Variants in LARGE1 observed in about 807,000 individuals in gnomAD.
LARGE1 encodes xylosyl- and glucuronyltransferase LARGE1.
Under a neutral mutation model 87.6 loss-of-function variants are expected in LARGE1, and 43 were observed. The observed-to-expected ratio is 0.49, with a 90% CI of 0.38 to 0.63. LARGE1 has a LOEUF of 0.63. Among genes scored for constraint, LARGE1 ranks in the 30% least tolerant of loss-of-function variants. LARGE1 has a pLI of 0.00. For missense variants in LARGE1, 802 were observed against 1,000.2 expected (o/e 0.80, Z 2.67); for synonymous variants, 434 against 394.6 (o/e 1.10, Z -1.18).
chr22:33,547,426 C>T (rs1450603914), intron 6 of LARGE1, among the ~76,000 whole-genome samples: 1 of 152,156 alleles, frequency 6.6e-6, no homozygotes, highest in Non-Finnish European at 1.5e-5. Context: ...AATGCTTGCT[C>T]GCCTGGTTCC....
intron 7 of LARGE1, among the ~76,000 whole-genome samples, chr22:33,425,646 C>T (rs1250513624): frequency 6.6e-6 from 1 of 152,226 alleles, no homozygotes. Flanking sequence ...ACTCCATCTA[C>T]AGGCAGTTTG....
intron 11 of LARGE1, among the ~76,000 whole-genome samples, chr22:33,231,720 G>A (rs370160244): frequency 9.9e-5 from 15 of 152,234 alleles, no homozygotes; most frequent in Admixed American, 2.6e-4. Flanking sequence ...TTGATTCTCC[G>A]TCTATCACTC....
intron 11 of LARGE1, among the ~76,000 whole-genome samples, chr22:33,245,436 C>G (rs533311895): frequency 6.6e-6 from 1 of 152,308 alleles, no homozygotes; most frequent in South Asian, 2.1e-4. Flanking sequence ...AAAACTGTTG[C>G]CAAGATATTT....
intron 1 of LARGE1, among the ~76,000 whole-genome samples, chr22:33,864,858 G>T (rs2064039386): frequency 6.6e-6 from 1 of 152,052 alleles, no homozygotes; most frequent in East Asian, 1.9e-4. Context: ...GCCTATATTT[G>T]GACTGTACTC....
chr22:33,224,815 G>A (rs1030752597), intron 11 of LARGE1, among the ~76,000 whole-genome samples: 2 of 152,230 alleles, frequency 1.3e-5, no homozygotes, highest in African/African-American at 2.4e-5. Context: ...CAGGCTCACA[G>A]GATGTCAGCC....
chr22:33,239,401 G>C (rs545519914), intron 11 of LARGE1, among the ~76,000 whole-genome samples: 2 of 152,082 alleles, frequency 1.3e-5, no homozygotes, highest in Non-Finnish European at 2.9e-5. Flanking sequence ...GAAACCAAAC[G>C]GGTGTGAAAT....
chr22:33,643,372 G>T (rs985539080), intron 3 of LARGE1, among the ~76,000 whole-genome samples: 1 of 152,264 alleles, frequency 6.6e-6, no homozygotes, highest in African/African-American at 2.4e-5. Context: ...CAACATACCA[G>T]AATCTCTGGA....
At chr22:33,820,170 T>C (rs1206298853) in intron 1 of LARGE1, among the ~76,000 whole-genome samples, 2 of 152,202 alleles carry the variant, frequency 1.3e-5, no homozygotes, top group African/African-American at 4.8e-5. Context: ...CCATTCTTCC[T>C]GCCTAAAGGA....
At chr22:33,420,357 C>G (rs1038017672) in intron 7 of LARGE1, among the ~76,000 whole-genome samples, 1 of 151,998 alleles carries the variant, frequency 6.6e-6, no homozygotes, top group African/African-American at 2.4e-5. Context: ...AAAATTACTA[C>G]CTTTGAGGAA....
At chr22:33,834,842 C>T (rs2063068974) in intron 1 of LARGE1, among the ~76,000 whole-genome samples, 2 of 152,168 alleles carry the variant, frequency 1.3e-5, no homozygotes, top group South Asian at 4.1e-4. Flanking sequence ...CTGCTCACTC[C>T]ATTCACTGGT....
chr22:33,623,729 A>G (rs1251654232), intron 4 of LARGE1, among the ~76,000 whole-genome samples: 6 of 151,724 alleles, frequency 4.0e-5, no homozygotes, highest in Admixed American at 3.9e-4. Flanking sequence ...AAAAAAACCT[A>G]AAGTCTAAAG....
At chr22:33,696,263 C>CTTTCT (rs1192003846) in intron 2 of LARGE1, among the ~76,000 whole-genome samples, 79 of 61,678 alleles carry the variant, frequency 1.3e-3, no homozygotes, top group Middle Eastern at 9.4e-3. Flanking sequence ...TTCTTTCTTT[C>CTTTCT]TTTTTTTTTT....
intron 10 of LARGE1, among the ~76,000 whole-genome samples, chr22:33,316,674 C>G (rs952252741): frequency 6.6e-6 from 1 of 151,992 alleles, no homozygotes; most frequent in Non-Finnish European, 1.5e-5. Context: ...GACATGGAGG[C>G]TGCAGTGAGC....
chr22:33,359,073 T>A lies in LARGE1; in HGVS notation c.1132-21272A>T, dbSNP rs189702074. Among the ~76,000 whole-genome samples, 15 of 151,844 alleles carry A rather than the reference T, an allele frequency of 9.9e-5. No individual in the cohort carries two copies. The East Asian group carries it at 2.7e-3, about 27-fold the overall frequency. On this transcript the variant is annotated intron_variant, in intron 9 of 14. Transcript: ENST00000397394. ...AGGGGCTCTGTTCTGGAGTTAACCC[T>A]CTAAAACCCACTTAATCCAAACAGA...
At chr22:33,451,563 C>CT (rs34445472) in intron 6 of LARGE1, among the ~76,000 whole-genome samples, 37,883 of 139,862 alleles carry the variant, frequency 0.27, 5,398 homozygotes, top group African/African-American at 0.36. Context: ...GTATCTCATT[C>CT]TTTTTTTTTT....
the LARGE1 span, among the ~76,000 whole-genome samples, chr22:33,123,875 G>A: frequency 6.6e-6 from 1 of 152,220 alleles, no homozygotes; most frequent in African/African-American, 2.4e-5. Context: ...CCCCCAGCTT[G>A]GGTGGGCTTG....
chr22:33,555,008 G>A (rs1269736763), intron 6 of LARGE1, among the ~76,000 whole-genome samples: 1 of 152,190 alleles, frequency 6.6e-6, no homozygotes, highest in Non-Finnish European at 1.5e-5. Context: ...TGCATCTGTG[G>A]ATTCAACCAA....
rs1338330671 is a variant in LARGE1 at position 33,588,536 on chromosome 22, C to T, written c.615+15899G>A. 3.3e-5 allele frequency among the ~76,000 whole-genome samples: 5 copies of T among 150,820 alleles called. No individual in the cohort carries two copies. In the East Asian group the frequency reaches 5.8e-4, roughly 18 times the overall value. The stretch of plus-strand genomic sequence containing the variant: ...GTGTGTGTGTGTGTGTGTGTGTGTG[C>T]GCACGCACGCATATAAAACTTAAGT... On this transcript the variant is annotated intron_variant, in intron 5 of 14. Coordinates refer to ENST00000397394, the MANE Select transcript of LARGE1 (RefSeq NM_133642.5).
the LARGE1 span, among the ~76,000 whole-genome samples, chr22:33,134,867 C>A: frequency 2.6e-5 from 4 of 152,052 alleles, no homozygotes; most frequent in Non-Finnish European, 4.4e-5. Flanking sequence ...CTTCCTGGAC[C>A]CAGATTTCTT....
Sources: allele counts gnomAD v4.1 joint callset (sites outside exome capture counted in the v4.1 genomes callset), GRCh38; gene constraint gnomAD v4.1.1; transcripts MANE v1.5; gene names NCBI Gene and HGNC (gene_info 2026-07-23, HGNC 2026-07-21).